SLC25A13: variants seen among roughly 807,000 people sequenced by gnomAD.
SLC25A13 encodes electrogenic aspartate/glutamate antiporter SLC25A13, mitochondrial.
Under a neutral mutation model 85.5 loss-of-function variants are expected in SLC25A13, and 70 were observed. The observed-to-expected ratio is 0.82, with a 90% CI of 0.68 to 1.00. The LOEUF (loss-of-function observed/expected upper bound fraction) is 1.00. Among genes scored for constraint, SLC25A13 ranks in the 50% least tolerant of loss-of-function variants. The probability of loss-of-function intolerance (pLI) is 0.00; values close to 1 mark genes in which losing one functional copy is unlikely to be tolerated. For missense variants in SLC25A13, 765 were observed against 819.8 expected (o/e 0.93, Z 0.82); for synonymous variants, 259 against 288.7 (o/e 0.90, Z 1.04).
At chr7:96,150,953 C>T (rs1793017064) in intron 13 of SLC25A13, among the ~76,000 whole-genome samples, 1 of 151,848 alleles carries the variant, frequency 6.6e-6, no homozygotes, top group African/African-American at 2.4e-5. Flanking sequence ...GAAAATGGGA[C>T]ATGAGAACAG....
chr7:96,152,316 T>C (rs1793083583), intron 13 of SLC25A13, among the ~76,000 whole-genome samples: 1 of 152,076 alleles, frequency 6.6e-6, no homozygotes, highest in South Asian at 2.1e-4. Flanking sequence ...TATCTATGCC[T>C]TGGGAAGATG....
intron 3 of SLC25A13, among the ~76,000 whole-genome samples, chr7:96,241,107 G>A (rs978539574): frequency 2.9e-5 from 4 of 138,060 alleles, no homozygotes; most frequent in African/African-American, 1.1e-4. Flanking sequence ...AGAAAGAAAG[G>A]CACTTTATAC....
At chr7:96,158,257 G>T (rs917417159) in intron 13 of SLC25A13, among the ~76,000 whole-genome samples, 3 of 152,050 alleles carry the variant, frequency 2.0e-5, no homozygotes, top group East Asian at 1.9e-4. Context: ...GCCTTCTTAC[G>T]CCTCCCAACC....
At chr7:96,242,028 A>G (rs1013685080) in intron 3 of SLC25A13, among the ~76,000 whole-genome samples, 4 of 152,224 alleles carry the variant, frequency 2.6e-5, no homozygotes, top group African/African-American at 9.6e-5. Context: ...TTCATACTTC[A>G]GGAAGTTTGG....
At chr7:96,266,087 C>T (rs1798035290) in intron 3 of SLC25A13, among the ~76,000 whole-genome samples, 2 of 152,194 alleles carry the variant, frequency 1.3e-5, no homozygotes, top group Non-Finnish European at 2.9e-5. Context: ...TCAGACAAAA[C>T]CTTATTTGCT....
chr7:96,238,043 G>C (rs960629122), intron 3 of SLC25A13, among the ~76,000 whole-genome samples: 2 of 152,044 alleles, frequency 1.3e-5, no homozygotes, highest in African/African-American at 4.8e-5. Context: ...CCAACCCCTA[G>C]AACCTCAGAA....
chr7:96,131,670 G>A (rs1792034392), intron 15 of SLC25A13, 73 bp downstream of exon 15: 1 of 1,602,194 alleles, frequency 6.2e-7, no homozygotes, highest in Non-Finnish European at 8.5e-7. Flanking sequence ...AAATTTCAAT[G>A]TAGTAGCATG....
chr7:96,320,669 CCA>C (rs1800307844), intron 1 of SLC25A13, among the ~76,000 whole-genome samples: 1 of 152,064 alleles, frequency 6.6e-6, no homozygotes, highest in South Asian at 2.1e-4. Flanking sequence ...ATACATGAGC[CCA>C]CACACCCAGA....
At chr7:96,162,165 A>C (rs1265336269) in intron 13 of SLC25A13, among the ~76,000 whole-genome samples, 1 of 152,218 alleles carries the variant, frequency 6.6e-6, no homozygotes, top group African/African-American at 2.4e-5. Context: ...GGGAAGAAAA[A>C]GATCGCGAAG....
chr7:96,198,641 C>T (rs1795148399), intron 5 of SLC25A13, among the ~76,000 whole-genome samples: 1 of 152,170 alleles, frequency 6.6e-6, no homozygotes, highest in Non-Finnish European at 1.5e-5. Context: ...AGATCCAAAG[C>T]AAGGGATGTC....
intron 3 of SLC25A13, among the ~76,000 whole-genome samples, chr7:96,271,046 T>C (rs559503641): frequency 6.6e-6 from 1 of 152,172 alleles, no homozygotes; most frequent in Non-Finnish European, 1.5e-5. Context: ...CAGAGTAATA[T>C]CTTCATCTCA....
At chr7:96,286,823 A>G (rs1395233487) in intron 2 of SLC25A13, among the ~76,000 whole-genome samples, 3 of 152,182 alleles carry the variant, frequency 2.0e-5, no homozygotes, top group African/African-American at 7.2e-5. Flanking sequence ...ATCCCCTAGG[A>G]GCCCTCTTTC....
At chr7:96,211,976 G>C (rs1201975446) in intron 4 of SLC25A13, among the ~76,000 whole-genome samples, 1 of 152,172 alleles carries the variant, frequency 6.6e-6, no homozygotes, top group African/African-American at 2.4e-5. Context: ...GTATGGAAGG[G>C]TTAGATTCAC....
chr7:96,294,616 AAAAAAAAG>A (rs1233636285), intron 2 of SLC25A13, among the ~76,000 whole-genome samples: 19 of 151,158 alleles, frequency 1.3e-4, no homozygotes, highest in Admixed American at 1.3e-3. Context: ...CTCAGAAAAA[AAAAAAAAG>A]AAAAAAAAGA....
chr7:96,139,634 G>A (rs1047012228), intron 14 of SLC25A13, among the ~76,000 whole-genome samples: 1 of 152,020 alleles, frequency 6.6e-6, no homozygotes, highest in Non-Finnish European at 1.5e-5. Flanking sequence ...TTTGATGTTG[G>A]TATATTTGTG....
At chr7:96,235,997 A>G (rs1796727824) in intron 3 of SLC25A13, among the ~76,000 whole-genome samples, 1 of 152,222 alleles carries the variant, frequency 6.6e-6, no homozygotes, top group Non-Finnish European at 1.5e-5. Context: ...TCCGGAGGAT[A>G]TGGAAGGAGG....
chr7:96,191,173 C>T lies in SLC25A13; in HGVS notation c.690G>A (p.Met230Ile). 6.2e-7 allele frequency: 1 copy of T among 1,614,014 alleles called. No homozygotes were observed. Among genetic ancestry groups the T allele is most frequent in the Non-Finnish European group, 8.5e-7 (1 of 1,179,972 alleles). Residue 230 changes from methionine (M) to isoleucine (I), a missense_variant, in exon 7 of 18, where the codon ATG becomes ATA. By Grantham distance (10) the Met-to-Ile change is conservative (BLOSUM62 1). Transcript: ENST00000265631. ...TGCTATAGATCTTTCTAATGAGTTC[C>T]ATGTTGTTAAGGAGCGAATTAAATC... The part of the protein sequence containing the change: ...FNGFNSLLNN[M>I]ELIRKIYSTL...
chr7:96,310,786 A>G (rs912095641), intron 1 of SLC25A13, among the ~76,000 whole-genome samples: 2 of 152,164 alleles, frequency 1.3e-5, no homozygotes, highest in African/African-American at 4.8e-5. Flanking sequence ...CCTTTTAGGG[A>G]GCAATAATTA....
Position 96,121,749 on chromosome 7 carries a change from T to TA in SLC25A13, c.1751-5dup, listed in dbSNP as rs1173610818. 2 of 1,613,924 alleles carry TA rather than the reference T, an allele frequency of 1.2e-6. No homozygotes were observed. Among genetic ancestry groups the TA allele is most frequent in the Admixed American group, 1.7e-5 (1 of 59,992 alleles). ...GGTGAGGATCGAAATACACGAGCTTTAAAAAAATGGAGAAATCACAGATAT... is the reference window on the plus strand; with the variant it reads ...GGTGAGGATCGAAATACACGAGCTTTAAAAAAAATGGAGAAATCACAGATAT... On this transcript the variant is annotated splice_polypyrimidine_tract_variant and splice_region_variant and intron_variant, in intron 16 of 17. Coordinates refer to ENST00000265631, the MANE Select transcript of SLC25A13 (RefSeq NM_014251.3).
Sources: gnomAD v4.1 joint callset for allele counts (sites outside exome capture counted in the v4.1 genomes callset) on GRCh38, gnomAD v4.1.1 for gene constraint, MANE v1.5 for transcripts, NCBI Gene and HGNC (gene_info 2026-07-23, HGNC 2026-07-21) for gene names.